RORA: variants seen among roughly 807,000 people sequenced by gnomAD.
The protein encoded by RORA is RAR related orphan receptor A, also known as nuclear receptor ROR-alpha.
A neutral mutation model predicts 69.5 loss-of-function variants in RORA; 7 were observed. The observed-to-expected ratio is 0.10, with a 90% CI of 0.06 to 0.19. The LOEUF (loss-of-function observed/expected upper bound fraction) is 0.19, where lower values mean the gene tolerates loss of function less well. Ranked by LOEUF, RORA falls within the 10% of genes least tolerant of loss-of-function variation. The pLI, the probability that RORA is intolerant of heterozygous loss-of-function variation, is 1.00. For missense variants in RORA, 457 were observed against 663.0 expected (o/e 0.69, Z 3.41); for synonymous variants, 261 against 240.8 (o/e 1.08, Z -0.78).
intron 1 of RORA, among the ~76,000 whole-genome samples, chr15:60,708,707 A>G (rs1156256755): frequency 6.6e-6 from 1 of 151,892 alleles, no homozygotes; most frequent in Admixed American, 6.6e-5. Context: ...TTTCCCCCCA[A>G]CCCTGTTCCC....
chr15:60,586,313 C>G (rs1300753403), intron 2 of RORA, among the ~76,000 whole-genome samples: 1 of 152,070 alleles, frequency 6.6e-6, no homozygotes, highest in Non-Finnish European at 1.5e-5. Context: ...ACTTGGGGTC[C>G]ATCTTTGGCA....
At chr15:61,159,433 CA>C (rs2079475037) in intron 1 of RORA, among the ~76,000 whole-genome samples, 1 of 152,178 alleles carries the variant, frequency 6.6e-6, no homozygotes, top group Admixed American at 6.5e-5. Context: ...TTTCTTCCAT[CA>C]GAAACCCTTG....
At chr15:60,582,267 T>TAG (rs1242571122) in intron 2 of RORA, among the ~76,000 whole-genome samples, 4 of 152,318 alleles carry the variant, frequency 2.6e-5, no homozygotes, top group Non-Finnish European at 4.4e-5. Flanking sequence ...GATTAGCTGA[T>TAG]AGAAGGACCT....
chr15:60,864,343 A>C (rs927199529), intron 1 of RORA, among the ~76,000 whole-genome samples: 1 of 152,178 alleles, frequency 6.6e-6, no homozygotes, highest in Non-Finnish European at 1.5e-5. Context: ...TCTTTTTAAA[A>C]CCCATTTATT....
chr15:60,882,170 C>G (rs763574228), intron 1 of RORA, among the ~76,000 whole-genome samples: 2 of 152,108 alleles, frequency 1.3e-5, no homozygotes, highest in African/African-American at 4.8e-5. Flanking sequence ...AGTTTTGTTT[C>G]GTTGCAACCA....
chr15:61,022,907 G>A (rs1470673485), intron 1 of RORA, among the ~76,000 whole-genome samples: 3 of 152,000 alleles, frequency 2.0e-5, no homozygotes, highest in East Asian at 1.9e-4. Context: ...CTGACAGGCC[G>A]GGCACGGTGG....
chr15:60,685,271 T>C (rs1299840296), intron 1 of RORA, among the ~76,000 whole-genome samples: 2 of 152,226 alleles, frequency 1.3e-5, no homozygotes, highest in African/African-American at 4.8e-5. Context: ...CTGCAAAGGC[T>C]GTGGTCTCCT....
At chr15:61,025,060 T>G (rs1895731850) in intron 1 of RORA, among the ~76,000 whole-genome samples, 1 of 152,142 alleles carries the variant, frequency 6.6e-6, no homozygotes, top group African/African-American at 2.4e-5. Flanking sequence ...CTCCGAAGTT[T>G]TAGGCCCAGA....
intron 2 of RORA, among the ~76,000 whole-genome samples, chr15:60,551,866 C>T (rs1018479764): frequency 3.9e-5 from 6 of 152,222 alleles, no homozygotes; most frequent in Admixed American, 6.5e-5. Context: ...TGTTCATTCT[C>T]CTGCCACCTT....
intron 2 of RORA, among the ~76,000 whole-genome samples, chr15:60,544,607 A>G (rs2067011518): frequency 6.6e-6 from 1 of 152,150 alleles, no homozygotes; most frequent in Non-Finnish European, 1.5e-5. Flanking sequence ...TACGCTGTTG[A>G]TGTAAAAATA....
chr15:60,516,050 TA>T (rs2065897334), intron 3 of RORA, among the ~76,000 whole-genome samples: 2 of 6,436 alleles, frequency 3.1e-4, no homozygotes, highest in African/African-American at 6.5e-4. Context: ...TATATATTTA[TA>T]TATATTTATA....
intron 1 of RORA, among the ~76,000 whole-genome samples, chr15:60,856,046 T>C (rs769386521): frequency 2.0e-5 from 3 of 152,200 alleles, no homozygotes; most frequent in Non-Finnish European, 4.4e-5. Flanking sequence ...ATCTAAACTT[T>C]CAGCAACCTC....
At chr15:60,770,764 G>A (rs1195034137) in intron 1 of RORA, among the ~76,000 whole-genome samples, 6 of 152,088 alleles carry the variant, frequency 3.9e-5, no homozygotes, top group East Asian at 1.9e-4. Context: ...CTGAGACTAC[G>A]TGAATGCTTC....
At chr15:61,164,098 A>G (rs1457194270) in intron 1 of RORA, among the ~76,000 whole-genome samples, 5 of 152,046 alleles carry the variant, frequency 3.3e-5, no homozygotes, top group Non-Finnish European at 7.4e-5. Flanking sequence ...CTGTGCATCA[A>G]TGGTACAGCC....
chr15:60,948,906 A>C (rs572594337), intron 1 of RORA, among the ~76,000 whole-genome samples: 29 of 152,374 alleles, frequency 1.9e-4, no homozygotes, highest in African/African-American at 6.7e-4. Flanking sequence ...AGAGGAATCA[A>C]TGGAAGCTGG....
At chr15:60,687,864 C>T (rs1432286672) in intron 1 of RORA, among the ~76,000 whole-genome samples, 1 of 152,192 alleles carries the variant, frequency 6.6e-6, no homozygotes, top group Non-Finnish European at 1.5e-5. Context: ...ATTTTAGAAT[C>T]AGGAAATCTG....
intron 1 of RORA, among the ~76,000 whole-genome samples, chr15:60,954,339 G>T (rs1442399313): frequency 6.7e-6 from 1 of 148,772 alleles, no homozygotes; most frequent in East Asian, 2.0e-4. Context: ...TATACCTAAT[G>T]CTAGATGACG....
At chr15:60,753,374 A>G (rs1344593608) in intron 1 of RORA, among the ~76,000 whole-genome samples, 3 of 152,204 alleles carry the variant, frequency 2.0e-5, no homozygotes, top group Non-Finnish European at 4.4e-5. Context: ...TCGAACACCA[A>G]TTCTGTCTCA....
chr15:60,948,968 C>T (rs1008515778), intron 1 of RORA, among the ~76,000 whole-genome samples: 2 of 152,216 alleles, frequency 1.3e-5, no homozygotes, highest in Admixed American at 6.5e-5. Context: ...TCTGAACAGG[C>T]AAACAGGAAA....
Sources: allele counts gnomAD v4.1 joint callset (sites outside exome capture counted in the v4.1 genomes callset), GRCh38; gene constraint gnomAD v4.1.1; transcripts MANE v1.5; gene names NCBI Gene and HGNC (gene_info 2026-07-23, HGNC 2026-07-21).